The following CNTLN variants were observed in gnomAD, a reference collection of about 807,000 sequenced individuals.
CNTLN encodes the protein centlein, also known as centlein, centrosomal protein.
CNTLN carries 212 observed loss-of-function variants against 180.0 expected under a neutral mutation model. The observed-to-expected ratio is 1.18, with a 90% confidence interval of 1.05 to 1.32. CNTLN has a LOEUF of 1.32. Among genes scored for constraint, CNTLN ranks in the 40% most tolerant of loss-of-function variants. CNTLN has a pLI of 0.00. For missense variants in CNTLN, 2,095 were observed against 1,610.9 expected, an observed-to-expected ratio of 1.30 and a Z score of -5.14; for synonymous variants, 722 against 563.1, an observed-to-expected ratio of 1.28 and a Z score of -3.99.
chr9:17,443,985 A>C (rs1830260072), intron 18 of CNTLN, among the ~76,000 whole-genome samples: 1 of 152,202 alleles, frequency 6.6e-6, no homozygotes, highest in African/African-American at 2.4e-5. Context: ...ATAATAGAAA[A>C]CTGAGAAGAG....
At chr9:17,240,713 A>G (rs1344357477) in intron 5 of CNTLN, among the ~76,000 whole-genome samples, 2 of 151,762 alleles carry the variant, frequency 1.3e-5, no homozygotes, top group Non-Finnish European at 2.9e-5. Context: ...CACTTTATTG[A>G]TTGCCCTCTT....
At chr9:17,446,937 A>ATAG (rs1830467672) in intron 18 of CNTLN, among the ~76,000 whole-genome samples, 1 of 152,236 alleles carries the variant, frequency 6.6e-6, no homozygotes, top group Non-Finnish European at 1.5e-5. Flanking sequence ...CAGATATTTC[A>ATAG]TAGTCTGTTT....
rs548488173 is a variant in CNTLN, at chr9:17,495,026, G to A, written c.4120-7525G>A. The A allele has an allele frequency of 4.6e-4, 187 of 408,986 alleles. 1 individual carries two copies. Among genetic ancestry groups the A allele is most frequent in the African/African-American group, 3.6e-3 (170 of 46,894 alleles). 25.3% of individuals were successfully genotyped at this position (408,986 alleles called of 1,614,324 possible). Reference sequence around the variant, plus strand: ...CCTGAGTAGCTGGGACTACAGGTGCGTGCCACCATGCCCAGCTAATTTTTT... The same window carrying A: ...CCTGAGTAGCTGGGACTACAGGTGCATGCCACCATGCCCAGCTAATTTTTT... On this transcript the variant is annotated intron_variant, in intron 25 of 25. Coordinates refer to ENST00000380647, the MANE Select transcript of CNTLN (RefSeq NM_017738.4).
chr9:17,514,617 G>A, the CNTLN span, among the ~76,000 whole-genome samples: 1 of 152,234 alleles, frequency 6.6e-6, no homozygotes, highest in South Asian at 2.1e-4. Context: ...AGTAAAAATA[G>A]AAATTTTAGT....
chr9:17,333,328 T>C (rs1305197543), intron 10 of CNTLN, among the ~76,000 whole-genome samples: 2 of 152,142 alleles, frequency 1.3e-5, no homozygotes, highest in African/African-American at 2.4e-5. Flanking sequence ...TTTTTCAATA[T>C]GCAAGTTGTT....
intron 12 of CNTLN, among the ~76,000 whole-genome samples, chr9:17,350,090 A>G (rs1822235936): frequency 2.0e-5 from 3 of 152,262 alleles, no homozygotes; most frequent in Admixed American, 2.0e-4. Context: ...ACATATGTTA[A>G]CATTCTTCCA....
intron 5 of CNTLN, among the ~76,000 whole-genome samples, chr9:17,242,205 G>C (rs918714411): frequency 6.6e-6 from 1 of 151,948 alleles, no homozygotes; most frequent in African/African-American, 2.4e-5. Flanking sequence ...TTGTTTTGAG[G>C]TATGTTCCTT....
chr9:17,502,409 A>C, intron 25 of CNTLN, 142 bp from the exon 26 acceptor site: 1 of 440,720 alleles, frequency 2.3e-6, no homozygotes, highest in Non-Finnish European at 4.1e-6. Context: ...CAGCAAGATC[A>C]GTAGAAAAGA....
At chr9:17,451,337 C>T (rs1002675176) in intron 18 of CNTLN, among the ~76,000 whole-genome samples, 1 of 151,980 alleles carries the variant, frequency 6.6e-6, no homozygotes, top group African/African-American at 2.4e-5. Flanking sequence ...AAAATTGCTG[C>T]CTGTACTTAA....
intron 2 of CNTLN, among the ~76,000 whole-genome samples, chr9:17,150,306 C>T (rs1563823594): frequency 6.6e-6 from 1 of 152,154 alleles, no homozygotes; most frequent in African/African-American, 2.4e-5. Context: ...AGTCTTTGAT[C>T]CATCTTGAGT....
intron 2 of CNTLN, among the ~76,000 whole-genome samples, chr9:17,221,030 A>C (rs546071227): frequency 1.3e-5 from 2 of 152,282 alleles, no homozygotes; most frequent in African/African-American, 4.8e-5. Context: ...CAAAGGAACT[A>C]TCTGACTGTA....
At chr9:17,416,517 A>C (rs1291310022) in intron 18 of CNTLN, among the ~76,000 whole-genome samples, 1 of 152,200 alleles carries the variant, frequency 6.6e-6, no homozygotes, top group East Asian at 1.9e-4. Context: ...GGCTTCATAC[A>C]TACACATAGC....
chr9:17,198,136 C>T (rs968767282), intron 2 of CNTLN, among the ~76,000 whole-genome samples: 4 of 152,004 alleles, frequency 2.6e-5, no homozygotes, highest in African/African-American at 9.7e-5. Flanking sequence ...GTTACTATAG[C>T]TTTGTAGTAT....
intron 23 of CNTLN, among the ~76,000 whole-genome samples, chr9:17,472,626 A>C (rs1027111309): frequency 1.3e-5 from 2 of 152,080 alleles, no homozygotes; most frequent in African/African-American, 4.8e-5. Context: ...TGTTACACTG[A>C]CTGGTAGATG....
chr9:17,156,477 C>T (rs900122251), intron 2 of CNTLN, among the ~76,000 whole-genome samples: 1 of 152,034 alleles, frequency 6.6e-6, no homozygotes, highest in African/African-American at 2.4e-5. Context: ...TATATAGGTT[C>T]ATTTTTTTCC....
intron 6 of CNTLN, among the ~76,000 whole-genome samples, chr9:17,293,397 A>G (rs2132715313): frequency 6.6e-6 from 1 of 152,274 alleles, no homozygotes; most frequent in African/African-American, 2.4e-5. Flanking sequence ...TAATCTGTGA[A>G]TACTGTGGCT....
At chr9:17,301,655 G>A (rs891051378) in intron 7 of CNTLN, 1 of 973,038 alleles carries the variant, frequency 1.0e-6, no homozygotes, top group Non-Finnish European at 1.2e-6. Context: ...GATGCTTGTA[G>A]TTGTTCATAC....
chr9:17,415,714 G>A, intron 16 of CNTLN, 74 bp from the exon 17 acceptor site: 1 of 944,566 alleles, frequency 1.1e-6, no homozygotes, highest in South Asian at 1.5e-5. Context: ...TAAGTAAAGA[G>A]ATGTTATTTA....
Position 17,135,323 on chromosome 9 carries a change from C to T in CNTLN, c.258C>T (p.Ser86=). The change falls in exon 1 of 26, where the codon TCC becomes TCT. Residue 86 remains serine, a synonymous_variant. Coordinates refer to ENST00000380647, the MANE Select transcript of CNTLN (RefSeq NM_017738.4). ...HAPLLSAPMG[S]RRLEGISVEE... is the part of the protein sequence containing the mutation. ...CCCTCCTCAGCGCGCCCATGGGGTCCAGACGGCTAGAGGGCATCTCGGTAG... is the reference window on the plus strand; with the variant it reads ...CCCTCCTCAGCGCGCCCATGGGGTCTAGACGGCTAGAGGGCATCTCGGTAG... 6.2e-7 allele frequency: 1 copy of T among 1,602,626 alleles called. No homozygotes were observed. Among genetic ancestry groups the T allele is most frequent in the Non-Finnish European group, 8.5e-7 (1 of 1,175,436 alleles).
Sources: gnomAD v4.1 joint callset for allele counts (sites outside exome capture counted in the v4.1 genomes callset) on GRCh38, gnomAD v4.1.1 for gene constraint, MANE v1.5 for transcripts, NCBI Gene and HGNC (gene_info 2026-07-23, HGNC 2026-07-21) for gene names.